NELL1: variants seen among roughly 807,000 people sequenced by gnomAD.
The protein encoded by NELL1 is protein kinase C-binding protein NELL1.
Under a neutral mutation model 107.4 loss-of-function variants are expected in NELL1, and 76 were observed. The ratio of observed to expected loss-of-function variants is 0.71; its 90% CI spans 0.59 to 0.86. NELL1 has a LOEUF of 0.86. Among genes scored for constraint, NELL1 ranks in the 40% least tolerant of loss-of-function variants. The pLI is 0.00. For missense variants in NELL1, 1,024 were observed against 1,005.5 expected (o/e 1.02, Z -0.25); for synonymous variants, 353 against 341.2 (o/e 1.03, Z -0.38).
At chr11:20,695,632 A>T (rs1173931154) in intron 2 of NELL1, among the ~76,000 whole-genome samples, 1 of 152,046 alleles carries the variant, frequency 6.6e-6, no homozygotes, top group Non-Finnish European at 1.5e-5. Context: ...CTACTTGATC[A>T]TGATGAATTA....
intron 2 of NELL1, among the ~76,000 whole-genome samples, chr11:20,756,171 C>T (rs1043606610): frequency 9.9e-5 from 15 of 152,116 alleles, no homozygotes; most frequent in African/African-American, 2.7e-4. Flanking sequence ...TGAGCCACCG[C>T]GCCTGGCCAG....
intron 12 of NELL1, among the ~76,000 whole-genome samples, chr11:21,020,814 C>T (rs936662022): frequency 2.6e-5 from 4 of 151,858 alleles, no homozygotes; most frequent in Non-Finnish European, 4.4e-5. Context: ...CCCTTTCCTG[C>T]TCAGAAGAGA....
intron 14 of NELL1, among the ~76,000 whole-genome samples, chr11:21,258,558 T>A (rs1350744091): frequency 1.3e-5 from 2 of 151,874 alleles, no homozygotes; most frequent in Non-Finnish European, 2.9e-5. Flanking sequence ...GCAGGAGAAT[T>A]TTCTTATTTG....
chr11:21,123,440 G>A (rs1450697846), intron 13 of NELL1, among the ~76,000 whole-genome samples: 1 of 151,596 alleles, frequency 6.6e-6, no homozygotes, highest in African/African-American at 2.4e-5. Flanking sequence ...TCAAGCTTAG[G>A]ATTAATAAAA....
At chr11:21,397,124 A>G (rs530059093) in intron 15 of NELL1, among the ~76,000 whole-genome samples, 5 of 151,824 alleles carry the variant, frequency 3.3e-5, no homozygotes, top group Admixed American at 3.3e-4. Flanking sequence ...TTCTTTACAA[A>G]AAGTTCTCTT....
At chr11:20,995,363 C>T (rs988799711) in intron 12 of NELL1, among the ~76,000 whole-genome samples, 7 of 152,012 alleles carry the variant, frequency 4.6e-5, no homozygotes, top group Non-Finnish European at 8.8e-5. Flanking sequence ...GGGCAGATCA[C>T]GAGGTCAGGA....
intron 15 of NELL1, among the ~76,000 whole-genome samples, chr11:21,403,881 C>T (rs1852158739): frequency 6.7e-6 from 1 of 150,314 alleles, no homozygotes; most frequent in Non-Finnish European, 1.5e-5. Flanking sequence ...CTATCTCCAT[C>T]AATTCCAGCT....
intron 12 of NELL1, among the ~76,000 whole-genome samples, chr11:21,086,036 T>C (rs1854384076): frequency 6.6e-6 from 1 of 152,166 alleles, no homozygotes; most frequent in Non-Finnish European, 1.5e-5. Flanking sequence ...TTTTTCAGAA[T>C]GCAATAGGTA....
chr11:20,883,237 C>G (rs538972306), intron 4 of NELL1, among the ~76,000 whole-genome samples: 1 of 152,316 alleles, frequency 6.6e-6, no homozygotes, highest in South Asian at 2.1e-4. Flanking sequence ...CACATGTGCC[C>G]TGGGTCACCC....
chr11:21,384,412 TA>T (rs1389124501), intron 15 of NELL1, among the ~76,000 whole-genome samples: 1 of 151,772 alleles, frequency 6.6e-6, no homozygotes, highest in African/African-American at 2.4e-5. Flanking sequence ...TTTCTGGCCA[TA>T]ATTGTCTTCT....
At chr11:20,818,650 T>C (rs143025043) in intron 3 of NELL1, among the ~76,000 whole-genome samples, 1 of 152,128 alleles carries the variant, frequency 6.6e-6, no homozygotes, top group African/African-American at 2.4e-5. Flanking sequence ...TTTTGCTGAG[T>C]TGGATATGTT....
At chr11:21,281,423 A>G (rs919395078) in intron 14 of NELL1, among the ~76,000 whole-genome samples, 6 of 151,934 alleles carry the variant, frequency 3.9e-5, no homozygotes, top group African/African-American at 9.7e-5. Flanking sequence ...AAGGTTTCTG[A>G]CTCCAGTCCC....
intron 16 of NELL1, among the ~76,000 whole-genome samples, chr11:21,558,289 T>C (rs1259105886): frequency 6.6e-6 from 1 of 151,752 alleles, no homozygotes; most frequent in Non-Finnish European, 1.5e-5. Flanking sequence ...CTCCCGTTGC[T>C]TTTTAAAAAA....
intron 2 of NELL1, among the ~76,000 whole-genome samples, chr11:20,729,287 A>G (rs1036353880): frequency 3.9e-5 from 6 of 152,036 alleles, no homozygotes; most frequent in Non-Finnish European, 8.8e-5. Flanking sequence ...ACCTATTTAG[A>G]TGCCTCTTAT....
At chr11:20,990,176 C>T (rs767315823) in intron 12 of NELL1, among the ~76,000 whole-genome samples, 1 of 152,108 alleles carries the variant, frequency 6.6e-6, no homozygotes, top group Non-Finnish European at 1.5e-5. Flanking sequence ...AATATTTGCC[C>T]TTTCATGGGT....
At chr11:20,923,722 AT>A (rs759975705) in intron 7 of NELL1, among the ~76,000 whole-genome samples, 5 of 152,216 alleles carry the variant, frequency 3.3e-5, no homozygotes, top group Non-Finnish European at 7.3e-5. Flanking sequence ...TGACAAATCT[AT>A]GTATGCAAAT....
At chr11:21,385,855 A>G (rs1431646053) in intron 15 of NELL1, among the ~76,000 whole-genome samples, 3 of 151,780 alleles carry the variant, frequency 2.0e-5, no homozygotes, top group African/African-American at 4.8e-5. Flanking sequence ...CAAAGCAACA[A>G]TCTGCCTCTG....
chr11:20,689,919 C>G lies in NELL1; in HGVS notation c.184+11859C>G, dbSNP rs1362046247. ...TCCCACCAACAGTGTAAAAGTGTTC[C>G]TATTTCTCCACATCCTCTCCAGCAC... On this transcript the variant is annotated intron_variant, in intron 2 of 19. Transcript: ENST00000357134. Among the ~76,000 whole-genome samples the G allele has an allele frequency of 7.0e-3, 1,053 of 151,044 alleles. 7 individuals are homozygous for G. The highest frequency in any genetic ancestry group is 0.024 in the African/African-American group (1,004 of 41,106).
At chr11:21,337,731 C>CT (rs1213112477) in intron 14 of NELL1, among the ~76,000 whole-genome samples, 3 of 150,998 alleles carry the variant, frequency 2.0e-5, no homozygotes, top group African/African-American at 4.9e-5. Context: ...TCTTTTCTTT[C>CT]TTTCCTTTCT....
Sources: allele counts gnomAD v4.1 joint callset (sites outside exome capture counted in the v4.1 genomes callset), GRCh38; gene constraint gnomAD v4.1.1; transcripts MANE v1.5; gene names NCBI Gene and HGNC (gene_info 2026-07-23, HGNC 2026-07-21).